NTRK2: variants seen among roughly 807,000 people sequenced by gnomAD.
The protein encoded by NTRK2 is BDNF/NT-3 growth factors receptor.
A neutral mutation model predicts 94.5 loss-of-function variants in NTRK2; 13 were observed. That is an observed-to-expected ratio of 0.14 (90% confidence interval 0.09 to 0.22). The LOEUF is 0.22. NTRK2 is among the 10% of genes least tolerant of loss of function. The pLI is 1.00. For synonymous variants in NTRK2, 372 were observed against 407.4 expected (o/e 0.91, Z 1.05); for missense variants, 639 against 1,071.2 (o/e 0.60, Z 5.63).
intron 12 of NTRK2, among the ~76,000 whole-genome samples, chr9:84,820,060 A>G (rs76778204): frequency 0.018 from 2,690 of 152,204 alleles, 83 homozygotes; most frequent in African/African-American, 0.061. Context: ...CCCTTTAACA[A>G]TGTGGGGGTT....
intron 2 of NTRK2, among the ~76,000 whole-genome samples, chr9:84,671,591 A>C (rs562531833): frequency 6.6e-6 from 1 of 152,226 alleles, no homozygotes; most frequent in Admixed American, 6.5e-5. Flanking sequence ...TTGGAAGCCT[A>C]AAAGCCTGGT....
At chr9:84,743,802 CAAAT>C (rs1206328703) in intron 10 of NTRK2, among the ~76,000 whole-genome samples, 6 of 152,010 alleles carry the variant, frequency 3.9e-5, no homozygotes, top group Non-Finnish European at 4.4e-5. Context: ...GAAAACTAAA[CAAAT>C]AAATGATATC....
At chr9:84,746,158 T>G (rs1314511354) in intron 11 of NTRK2, among the ~76,000 whole-genome samples, 1 of 152,218 alleles carries the variant, frequency 6.6e-6, no homozygotes, top group Non-Finnish European at 1.5e-5. Context: ...AAGAATGGTT[T>G]CTACCTTCTA....
At chr9:84,898,839 A>G (rs1331560933) in intron 14 of NTRK2, among the ~76,000 whole-genome samples, 1 of 152,132 alleles carries the variant, frequency 6.6e-6, no homozygotes, top group Non-Finnish European at 1.5e-5. Context: ...AGTAGCTGGA[A>G]TTACAGGCAT....
intron 12 of NTRK2, among the ~76,000 whole-genome samples, chr9:84,848,079 CAG>C (rs3029704): frequency 0.58 from 83,823 of 144,046 alleles, 24,711 homozygotes; most frequent in South Asian, 0.72. Flanking sequence ...TAGAGAGGGG[CAG>C]AGAGAGAGAG....
chr9:84,874,129 C>A lies in NTRK2; in HGVS notation c.1633+6698C>A. 3 of 1,064,916 alleles carry A rather than the reference C, an allele frequency of 2.8e-6. No homozygotes were observed. The South Asian group carries it at 1.4e-4, about 48-fold the overall frequency. 66.0% of individuals were successfully genotyped at this position (1,064,916 alleles called of 1,614,324 possible). ...TACCAACAGGATGAATCCAATCAAG[C>A]TACGCCCCCATTTTGGTTTCGGATT... On this transcript the variant is annotated intron_variant, in intron 14 of 18. Coordinates refer to ENST00000277120, the MANE Select transcript of NTRK2 (RefSeq NM_006180.6).
At chr9:84,841,506 A>C (rs944028552) in intron 12 of NTRK2, among the ~76,000 whole-genome samples, 1 of 152,112 alleles carries the variant, frequency 6.6e-6, no homozygotes, top group Non-Finnish European at 1.5e-5. Flanking sequence ...ATCTGGCCAC[A>C]TTGGCCAGAG....
At chr9:84,708,054 A>G (rs755504418) in intron 5 of NTRK2, 142 bp downstream of exon 5, 35 of 687,372 alleles carry the variant, frequency 5.1e-5, no homozygotes, top group Non-Finnish European at 8.5e-5. Context: ...TCAGTCTCTC[A>G]GTCTTTTATT....
chr9:84,795,201 T>C (rs1415938639), intron 12 of NTRK2, among the ~76,000 whole-genome samples: 1 of 152,190 alleles, frequency 6.6e-6, no homozygotes, highest in African/African-American at 2.4e-5. Context: ...TGGTGGCAGC[T>C]TTCCTGCATC....
intron 14 of NTRK2, chr9:84,873,695 T>G: frequency 2.8e-6 from 3 of 1,056,134 alleles, no homozygotes; most frequent in Non-Finnish European, 3.4e-6. Context: ...AGATGAAGAT[T>G]TGTTAGCAAA....
chr9:84,969,851 A>G (rs906528216), intron 17 of NTRK2, among the ~76,000 whole-genome samples: 4 of 152,226 alleles, frequency 2.6e-5, no homozygotes, highest in African/African-American at 9.6e-5. Context: ...GGTAAAGAAC[A>G]CTTCCTTTAC....
At chr9:84,713,383 C>T (rs1367215057) in intron 6 of NTRK2, among the ~76,000 whole-genome samples, 1 of 152,140 alleles carries the variant, frequency 6.6e-6, no homozygotes, top group Non-Finnish European at 1.5e-5. Context: ...GAGATAACCA[C>T]CAATAAGGCA....
intron 2 of NTRK2, among the ~76,000 whole-genome samples, chr9:84,690,697 C>T (rs1039155753): frequency 2.6e-4 from 39 of 148,690 alleles, no homozygotes; most frequent in East Asian, 3.9e-4. Flanking sequence ...CCAGCCTGGG[C>T]GACAGAGTGA....
intron 9 of NTRK2, among the ~76,000 whole-genome samples, chr9:84,730,849 G>C (rs1348047834): frequency 8.2e-6 from 1 of 121,454 alleles, no homozygotes; most frequent in African/African-American, 3.0e-5. Flanking sequence ...AACAACAGCA[G>C]GTCAAGTTTG....
At chr9:84,860,891 GTTTATTTATTTATTTATTTATTTA>G (rs143811359) in intron 12 of NTRK2, 125 bp from the exon 13 acceptor site, 6 of 379,158 alleles carry the variant, frequency 1.6e-5, no homozygotes, top group South Asian at 5.6e-5. Flanking sequence ...CAAGTGGTTT[GTTTATTTATTTATTTATTTATTTA>G]TTTATTTATT....
chr9:84,935,874 G>C (rs1040238283), intron 15 of NTRK2, among the ~76,000 whole-genome samples: 2 of 151,908 alleles, frequency 1.3e-5, no homozygotes, highest in African/African-American at 4.8e-5. Context: ...CCCCCTTTTG[G>C]TTAAATGAGA....
At chr9:84,705,741 A>G (rs2061010343) in intron 4 of NTRK2, among the ~76,000 whole-genome samples, 1 of 151,074 alleles carries the variant, frequency 6.6e-6, no homozygotes, top group Admixed American at 6.6e-5. Flanking sequence ...GAAGATAGGC[A>G]GACTGACTTT....
rs1238064532 is a variant in NTRK2 at position 84,944,213 on chromosome 9, T to TCACACACACA, written c.1765-4248_1765-4247insACACACACAC. Among the ~76,000 whole-genome samples the TCACACACACA allele has an allele frequency of 8.5e-3, 1,157 of 136,750 alleles. 7 individuals carry two copies. Among genetic ancestry groups the TCACACACACA allele is most frequent in the Non-Finnish European group, 0.013 (861 of 64,564 alleles). The allele number at this position is 136,750 out of a possible 152,430, so 89.7% of individuals were successfully genotyped here. A position where few individuals can be genotyped will look rare whatever the true frequency, so the allele number is the denominator to read the frequency against. ...CTTGTTCTCTCTCTCTCTCTCTCTC[T>TCACACACACA]CTCACACACACACACACACACACAC... On this transcript the variant is annotated intron_variant, in intron 15 of 18. Transcript: ENST00000277120.
rs2066408266 is a variant in NTRK2 at position 84,770,178 on chromosome 9, A to ACACACACACACT, written c.1396+18104_1396+18105insTCACACACACAC. Among the ~76,000 whole-genome samples, 3 of 151,756 alleles carry ACACACACACACT rather than the reference A, an allele frequency of 2.0e-5. No homozygotes were observed. The South Asian group carries it at 6.3e-4, about 32-fold the overall frequency. ...AACACACACACACACACACACACAC[A>ACACACACACACT]CACACACACACACACAAACACACAG... On this transcript the variant is annotated intron_variant, in intron 12 of 18. Transcript: ENST00000277120.
Sources: gnomAD v4.1 joint callset for allele counts (sites outside exome capture counted in the v4.1 genomes callset) on GRCh38, gnomAD v4.1.1 for gene constraint, MANE v1.5 for transcripts, NCBI Gene and HGNC (gene_info 2026-07-23, HGNC 2026-07-21) for gene names.